Variants in CTNND2 observed in about 807,000 individuals in gnomAD.
CTNND2 encodes the protein catenin delta-2.
A neutral mutation model predicts 144.4 loss-of-function variants in CTNND2; 22 were observed. The ratio of observed to expected loss-of-function variants is 0.15; its 90% CI spans 0.11 to 0.22. The LOEUF (loss-of-function observed/expected upper bound fraction) is 0.22. Ranked by LOEUF, CTNND2 falls within the 10% of genes least tolerant of loss-of-function variation. The pLI, the probability that CTNND2 is intolerant of heterozygous loss-of-function variation, is 1.00. For missense variants in CTNND2, 1,353 were observed against 1,618.8 expected (o/e 0.84, Z 2.82); for synonymous variants, 751 against 695.6 (o/e 1.08, Z -1.25).
intron 18 of CTNND2, among the ~76,000 whole-genome samples, chr5:11,010,530 G>C (rs1740963084): frequency 1.3e-5 from 2 of 152,176 alleles, no homozygotes; most frequent in South Asian, 4.1e-4. Context: ...TTAAACATGA[G>C]AACATGACTT....
intron 1 of CTNND2, among the ~76,000 whole-genome samples, chr5:11,766,825 C>T (rs147081499): frequency 1.3e-5 from 2 of 152,232 alleles, no homozygotes; most frequent in East Asian, 3.9e-4. Flanking sequence ...CATATGGTAA[C>T]ATAAAATTTC....
intron 10 of CTNND2, among the ~76,000 whole-genome samples, chr5:11,202,345 A>G (rs1226909875): frequency 6.6e-6 from 1 of 152,164 alleles, no homozygotes; most frequent in African/African-American, 2.4e-5. Flanking sequence ...TGAAAACACA[A>G]TGTTTTCAGT....
intron 2 of CTNND2, among the ~76,000 whole-genome samples, chr5:11,627,629 A>T (rs1258510496): frequency 1.3e-5 from 2 of 152,004 alleles, no homozygotes; most frequent in Non-Finnish European, 2.9e-5. Flanking sequence ...GTACCCTTAC[A>T]GCAGTGGTCC....
rs557341981 is a variant in CTNND2 at position 11,385,162 on chromosome 5, C to CGCGGCG, written c.674_679dup (p.Pro225_Pro226dup). The CGCGGCG allele has an allele frequency of 3.0e-4, 304 of 1,013,294 alleles. No homozygotes were observed. The highest frequency in any genetic ancestry group is 2.0e-3 in the Admixed American group (34 of 16,802). The allele number at this position is 1,013,294 out of a possible 1,614,324, so 62.8% of individuals were successfully genotyped here. ...GCCCAGGCTGGGCGCGAACGGCTCCCGCGGCGGCGGCGGCGGCGGCGGCGC... is the reference window on the plus strand; with the variant it reads ...GCCCAGGCTGGGCGCGAACGGCTCCCGCGGCGGCGGCGGCGGCGGCGGCGGCGGCGC... On this transcript the variant is annotated inframe_insertion, in exon 7 of 22. Coordinates refer to ENST00000304623, the MANE Select transcript of CTNND2 (RefSeq NM_001332.4).
intron 9 of CTNND2, among the ~76,000 whole-genome samples, chr5:11,326,689 G>A (rs947732280): frequency 6.6e-6 from 1 of 152,176 alleles, no homozygotes; most frequent in African/African-American, 2.4e-5. Context: ...TCAACCCCAG[G>A]TAAGGGTGCC....
chr5:11,097,472 C>T (rs1184218474), intron 15 of CTNND2, among the ~76,000 whole-genome samples: 2 of 152,118 alleles, frequency 1.3e-5, no homozygotes, highest in South Asian at 2.1e-4. Flanking sequence ...CATGGGGCAG[C>T]GGCTAGCTCT....
intron 3 of CTNND2, among the ~76,000 whole-genome samples, chr5:11,453,577 A>C (rs1272034089): frequency 6.6e-6 from 1 of 152,212 alleles, no homozygotes; most frequent in Non-Finnish European, 1.5e-5. Context: ...GAAAGCCCAG[A>C]ATCATTAATG....
At chr5:11,099,049 G>A (rs1277561432) in intron 14 of CTNND2, among the ~76,000 whole-genome samples, 2 of 152,162 alleles carry the variant, frequency 1.3e-5, no homozygotes, top group African/African-American at 4.8e-5. Context: ...GCTGTAGGAA[G>A]GAAGGGGAAG....
chr5:11,452,987 T>C (rs1257939696), intron 3 of CTNND2, among the ~76,000 whole-genome samples: 1 of 152,224 alleles, frequency 6.6e-6, no homozygotes, highest in East Asian at 1.9e-4. Flanking sequence ...GTTCCTGTTG[T>C]GTTTGAAGTA....
Position 11,477,667 on chromosome 5 carries a change from G to A in CTNND2, c.288-65598C>T, listed in dbSNP as rs142103689. ...TGGGATGAAGCAATCCTCCTGACTC[G>A]GCCTCCAAAGGCTCTGCGGTGTCTG... On this transcript the variant is annotated intron_variant, in intron 3 of 21. Coordinates refer to ENST00000304623, the MANE Select transcript of CTNND2 (RefSeq NM_001332.4). Among the ~76,000 whole-genome samples, 366 of 152,070 alleles carry A rather than the reference G, an allele frequency of 2.4e-3. 2 individuals carry two copies. The highest frequency in any genetic ancestry group is 8.5e-3 in the African/African-American group (351 of 41,466).
At position 11,374,775 on chromosome 5, in the gene CTNND2, C is replaced by CTTTTTTTT. The variant is rs56327510; in HGVS notation, c.1177+9882_1178-9886dup. ...TCCAGAACAAGGTGCTCCCAATCTACTTTTTTTTTTTTTTTTTTTTTTTTT... is the reference window on the plus strand; with the variant it reads ...TCCAGAACAAGGTGCTCCCAATCTACTTTTTTTTTTTTTTTTTTTTTTTTTTTTTTTTT... On this transcript the variant is annotated intron_variant, in intron 7 of 21. Transcript: ENST00000304623. Among the ~76,000 whole-genome samples, 7 of 99,410 alleles carry CTTTTTTTT rather than the reference C, an allele frequency of 7.0e-5. 1 individual carries two copies. Among genetic ancestry groups the CTTTTTTTT allele is most frequent in the Admixed American group, 1.1e-4 (1 of 8,708 alleles). 65.2% of individuals were successfully genotyped at this position (99,410 alleles called of 152,430 possible).
At chr5:11,219,696 A>G (rs983235812) in intron 10 of CTNND2, among the ~76,000 whole-genome samples, 1 of 152,232 alleles carries the variant, frequency 6.6e-6, no homozygotes. Context: ...GAATGATGAA[A>G]TCTGAAGACG....
intron 2 of CTNND2, among the ~76,000 whole-genome samples, chr5:11,603,656 A>C (rs1262289110): frequency 4.6e-5 from 7 of 152,386 alleles, no homozygotes; most frequent in Non-Finnish European, 1.0e-4. Flanking sequence ...AATAAAAGGC[A>C]AGGCTATATG....
At chr5:11,886,581 C>A (rs907023592) in intron 1 of CTNND2, among the ~76,000 whole-genome samples, 5 of 151,408 alleles carry the variant, frequency 3.3e-5, no homozygotes, top group Non-Finnish European at 5.9e-5. Flanking sequence ...CATACTTAGA[C>A]TGAAAAAAAA....
chr5:11,791,204 T>A (rs1791117964), intron 1 of CTNND2, among the ~76,000 whole-genome samples: 1 of 152,178 alleles, frequency 6.6e-6, no homozygotes, highest in Admixed American at 6.5e-5. Flanking sequence ...ATTTCTAACC[T>A]GCAGAAGGGT....
At chr5:11,798,020 G>A (rs965667879) in intron 1 of CTNND2, among the ~76,000 whole-genome samples, 3 of 152,078 alleles carry the variant, frequency 2.0e-5, no homozygotes, top group African/African-American at 7.2e-5. Context: ...CATTTTGGGA[G>A]GCCAAGGTGG....
At chr5:11,832,427 A>C (rs1383460673) in intron 1 of CTNND2, among the ~76,000 whole-genome samples, 1 of 152,224 alleles carries the variant, frequency 6.6e-6, no homozygotes, top group Non-Finnish European at 1.5e-5. Flanking sequence ...GCTAGGAAAA[A>C]AACAAAAATA....
chr5:11,674,778 C>T (rs1450211889), intron 2 of CTNND2, among the ~76,000 whole-genome samples: 6 of 151,924 alleles, frequency 3.9e-5, no homozygotes, highest in African/African-American at 1.2e-4. Context: ...CAGGCTGGAG[C>T]GCAGTGGTGC....
chr5:11,458,022 C>T (rs772717949), intron 3 of CTNND2, among the ~76,000 whole-genome samples: 8 of 152,122 alleles, frequency 5.3e-5, no homozygotes, highest in Non-Finnish European at 1.0e-4. Context: ...GTTTTCATGA[C>T]ATGATAACAG....
Sources: allele counts gnomAD v4.1 joint callset (sites outside exome capture counted in the v4.1 genomes callset), GRCh38; gene constraint gnomAD v4.1.1; transcripts MANE v1.5; gene names NCBI Gene and HGNC (gene_info 2026-07-23, HGNC 2026-07-21).